Variants in PPM1H observed in about 807,000 individuals in gnomAD.
PPM1H encodes the protein protein phosphatase 1H.
In PPM1H, 27 loss-of-function variants were observed where a neutral mutation model predicts 54.9. The observed-to-expected ratio is 0.49, with a 90% confidence interval of 0.36 to 0.68. The LOEUF is 0.68. Ranked by LOEUF, PPM1H falls within the 30% of genes least tolerant of loss-of-function variation. The pLI, the probability that PPM1H is intolerant of heterozygous loss-of-function variation, is 0.00. For synonymous variants in PPM1H, 305 were observed against 270.8 expected (o/e 1.13, Z -1.24); for missense variants, 596 against 667.8 (o/e 0.89, Z 1.19).
intron 1 of PPM1H, among the ~76,000 whole-genome samples, chr12:62,897,301 A>G (rs1450994381): frequency 6.6e-6 from 1 of 152,104 alleles, no homozygotes; most frequent in African/African-American, 2.4e-5. Flanking sequence ...CTCCCCCATT[A>G]TAAAAATCAA....
chr12:62,910,650 C>G (rs962915971), intron 1 of PPM1H, among the ~76,000 whole-genome samples: 1 of 152,176 alleles, frequency 6.6e-6, no homozygotes, highest in Non-Finnish European at 1.5e-5. Context: ...CACACCATGA[C>G]TGAGAGAATT....
At chr12:62,873,101 G>A (rs1387779290) in intron 1 of PPM1H, among the ~76,000 whole-genome samples, 1 of 152,154 alleles carries the variant, frequency 6.6e-6, no homozygotes, top group Non-Finnish European at 1.5e-5. Flanking sequence ...TAGTGGCAGG[G>A]TTAGGACTCT....
chr12:62,832,217 A>G lies in PPM1H; in HGVS notation c.308T>C (p.Val103Ala). The G allele has an allele frequency of 6.2e-7, 1 of 1,613,668 alleles. No individual in the cohort carries two copies. The highest frequency in any genetic ancestry group is 8.5e-7 in the Non-Finnish European group (1 of 1,179,780). ...EDQASCEVLT[V>A]KKKAGAVTST... ...GGTCACGGCCCCTGCCTTCTTCTTC[A>G]CAGTGAGCACCTCACAGCTGGCTTG... is the stretch of plus-strand genomic sequence containing the variant. The change falls in exon 2 of 10, where the codon GTG (valine) becomes GCG (alanine). Residue 103 changes from valine (V) to alanine (A), a missense_variant. This residue lies in a region of PPM1H where 382 missense variants were observed against 387.1 expected (regional missense o/e 0.99). Transcript: ENST00000228705.
At chr12:62,702,147 C>G (rs146712263) in intron 6 of PPM1H, among the ~76,000 whole-genome samples, 1 of 152,132 alleles carries the variant, frequency 6.6e-6, no homozygotes, top group African/African-American at 2.4e-5. Context: ...TTGGTGATAC[C>G]TCTGACATAT....
intron 4 of PPM1H, among the ~76,000 whole-genome samples, chr12:62,785,278 G>A (rs1392282336): frequency 6.6e-6 from 1 of 152,172 alleles, no homozygotes; most frequent in Non-Finnish European, 1.5e-5. Flanking sequence ...CCATGTTCAA[G>A]TGATTCTCCT....
At chr12:62,825,805 C>G (rs1868284256) in intron 2 of PPM1H, among the ~76,000 whole-genome samples, 1 of 151,750 alleles carries the variant, frequency 6.6e-6, no homozygotes, top group Non-Finnish European at 1.5e-5. Context: ...ATGGGTGCAG[C>G]AAACCAACAT....
At chr12:62,662,946 T>A (rs531678240) in intron 9 of PPM1H, among the ~76,000 whole-genome samples, 1 of 152,316 alleles carries the variant, frequency 6.6e-6, no homozygotes, top group Non-Finnish European at 1.5e-5. Flanking sequence ...AAACAATATA[T>A]TGGTAGTTTT....
At chr12:62,661,428 T>A (rs1292743015) in intron 9 of PPM1H, among the ~76,000 whole-genome samples, 1 of 152,232 alleles carries the variant, frequency 6.6e-6, no homozygotes, top group Non-Finnish European at 1.5e-5. Flanking sequence ...TGAGACAGGG[T>A]CTCGCTCTGT....
intron 9 of PPM1H, chr12:62,659,359 T>G (rs538236834): frequency 1.8e-4 from 80 of 441,330 alleles, no homozygotes; most frequent in African/African-American, 1.5e-3. Context: ...CTGGTTCCTT[T>G]GTTGAGACAG....
chr12:62,720,283 T>G lies in PPM1H; in HGVS notation c.961A>C (p.Met321Leu). Reference sequence around the variant, plus strand: ...TCATTTCCCAGCAAGTGAGGCTGCATGAATGCCTAATAGCAAAAAGAAAAA... The same window carrying G: ...TCATTTCCCAGCAAGTGAGGCTGCAGGAATGCCTAATAGCAAAAAGAAAAA... ...ERQRLQYLAF[M>L]QPHLLGNEFT... The change falls in exon 6 of 10, where the codon ATG becomes CTG. Residue 321 changes from methionine to leucine, a missense_variant. Physicochemically the swap from Met to Leu is conservative, Grantham distance 15 (BLOSUM62 2). Transcript: ENST00000228705. The G allele has an allele frequency of 6.2e-7, 1 of 1,606,780 alleles. No homozygotes were observed. Among genetic ancestry groups the G allele is most frequent in the Non-Finnish European group, 8.5e-7 (1 of 1,173,432 alleles).
intron 4 of PPM1H, among the ~76,000 whole-genome samples, chr12:62,748,040 A>G (rs1053183547): frequency 4.6e-5 from 7 of 152,194 alleles, no homozygotes; most frequent in African/African-American, 1.7e-4. Flanking sequence ...GAAGCAGGTA[A>G]TGGTGTCCAG....
At chr12:62,910,312 T>C (rs1192397708) in intron 1 of PPM1H, among the ~76,000 whole-genome samples, 1 of 152,190 alleles carries the variant, frequency 6.6e-6, no homozygotes, top group African/African-American at 2.4e-5. Context: ...CTATTTATAT[T>C]AATCAGTTTA....
At chr12:62,798,591 G>A (rs2076749464) in intron 3 of PPM1H, among the ~76,000 whole-genome samples, 2 of 152,120 alleles carry the variant, frequency 1.3e-5, no homozygotes, top group South Asian at 4.1e-4. Flanking sequence ...GGGCATGGGG[G>A]TAAACCTGAA....
chr12:62,744,002 G>A lies in PPM1H; in HGVS notation c.870-6416C>T, dbSNP rs552820000. Among the ~76,000 whole-genome samples, 6 of 151,898 alleles carry A rather than the reference G, an allele frequency of 4.0e-5. No homozygotes were observed. In the East Asian group the frequency reaches 5.8e-4, roughly 15 times the overall value. ...CAATGGTTCAGTCATTCCACTTTTG[G>A]GAATACATGCTAAAGAAATAAAAGA... On this transcript the variant is annotated intron_variant, in intron 4 of 9. Transcript: ENST00000228705.
At chr12:62,859,296 A>C (rs1320637500) in intron 1 of PPM1H, among the ~76,000 whole-genome samples, 1 of 152,198 alleles carries the variant, frequency 6.6e-6, no homozygotes, top group Non-Finnish European at 1.5e-5. Flanking sequence ...ATCTCAAAAC[A>C]GGTGGATGTT....
At chr12:62,804,452 G>A (rs966784968) in intron 2 of PPM1H, among the ~76,000 whole-genome samples, 1 of 151,858 alleles carries the variant, frequency 6.6e-6, no homozygotes, top group Non-Finnish European at 1.5e-5. Context: ...TGTTTCATGT[G>A]CTTGGAGTTT....
intron 1 of PPM1H, among the ~76,000 whole-genome samples, chr12:62,868,511 G>C (rs1234582303): frequency 1.3e-5 from 2 of 152,050 alleles, no homozygotes; most frequent in African/African-American, 2.4e-5. Context: ...AAACAAGGAC[G>C]GCATCCACTG....
At chr12:62,722,774 CACTT>C (rs1264264477) in intron 5 of PPM1H, among the ~76,000 whole-genome samples, 2 of 152,254 alleles carry the variant, frequency 1.3e-5, no homozygotes, top group South Asian at 2.1e-4. Context: ...TCTATGGTGT[CACTT>C]ACAATGACAC....
At chr12:62,808,727 A>C (rs2076819490) in intron 2 of PPM1H, among the ~76,000 whole-genome samples, 1 of 152,136 alleles carries the variant, frequency 6.6e-6, no homozygotes, top group South Asian at 2.1e-4. Flanking sequence ...ATCTCCTTCC[A>C]GAAGCCCCTA....
Sources: allele counts gnomAD v4.1 joint callset (sites outside exome capture counted in the v4.1 genomes callset), GRCh38; gene constraint gnomAD v4.1.1; regional missense constraint gnomAD v4.1.1; transcripts MANE v1.5; gene names NCBI Gene and HGNC (gene_info 2026-07-23, HGNC 2026-07-21).